MTHFD1: variants seen among roughly 807,000 people sequenced by gnomAD.
MTHFD1 encodes C-1-tetrahydrofolate synthase, cytoplasmic.
In MTHFD1, 44 loss-of-function variants were observed where a neutral mutation model predicts 110.3. The observed-to-expected ratio is 0.40, with a 90% CI of 0.31 to 0.51. MTHFD1 has a LOEUF of 0.51. MTHFD1 is among the 20% of genes least tolerant of loss of function. The pLI is 0.60. For synonymous variants in MTHFD1, 402 were observed against 428.8 expected (o/e 0.94, Z 0.77); for missense variants, 909 against 1,173.1 (o/e 0.77, Z 3.29).
At chr14:64,439,873 A>G (rs11627122) in intron 17 of MTHFD1, among the ~76,000 whole-genome samples, 52,323 of 142,330 alleles carry the variant, frequency 0.37, 10,162 homozygotes, top group East Asian at 0.57. Flanking sequence ...CAGCCTGGGC[A>G]ACAGACCGAG....
chr14:64,396,540 C>T (rs2077850898), intron 1 of MTHFD1, among the ~76,000 whole-genome samples: 2 of 149,640 alleles, frequency 1.3e-5, no homozygotes, highest in South Asian at 4.4e-4. Flanking sequence ...TACAGGCATG[C>T]GCCACCGCTC....
At chr14:64,395,641 T>A (rs2077842135) in intron 1 of MTHFD1, among the ~76,000 whole-genome samples, 1 of 152,186 alleles carries the variant, frequency 6.6e-6, no homozygotes. Context: ...GGGGCAGTTT[T>A]TTCCTCCCTC....
Position 64,421,780 on chromosome 14 carries a change from C to G in MTHFD1, c.727+1855C>G, listed in dbSNP as rs377495897. On this transcript the variant is annotated intron_variant, in intron 8 of 27. Coordinates refer to ENST00000652337, the MANE Select transcript of MTHFD1 (RefSeq NM_005956.4). ...CTGGGACTACAGGCGCCCGCCACCA[C>G]GCCCGGCTAATTTTTTTTGTATTTT... Among the ~76,000 whole-genome samples the G allele has an allele frequency of 3.3e-5, 5 of 152,148 alleles. No individual in the cohort carries two copies. In the South Asian group the frequency reaches 8.3e-4, roughly 25 times the overall value.
chr14:64,418,689 T>G (rs1166037778), intron 7 of MTHFD1, among the ~76,000 whole-genome samples: 1 of 152,050 alleles, frequency 6.6e-6, no homozygotes, highest in East Asian at 1.9e-4. Flanking sequence ...CCTGAGTAGC[T>G]GGGATTACAG....
chr14:64,390,837 C>T (rs543050728), intron 1 of MTHFD1, among the ~76,000 whole-genome samples: 3 of 152,208 alleles, frequency 2.0e-5, no homozygotes, highest in South Asian at 2.1e-4. Context: ...TTAGTAGAGA[C>T]GGGCTTTCAC....
chr14:64,397,004 C>G (rs2077854597), intron 1 of MTHFD1, among the ~76,000 whole-genome samples: 1 of 133,136 alleles, frequency 7.5e-6, no homozygotes, highest in African/African-American at 2.8e-5. Flanking sequence ...ACTTGGGAGG[C>G]TGAGGCAGGA....
At chr14:64,448,616 GAA>G in intron 23 of MTHFD1, 1 of 411,826 alleles carries the variant, frequency 2.4e-6, no homozygotes, top group Non-Finnish European at 4.6e-6. Flanking sequence ...TATGCTAACA[GAA>G]GGTCATAGGC....
In MTHFD1 at chr14:64,449,589, AC is replaced by A. The variant is rs1346745606; in HGVS notation, c.2427del (p.Ser810AlafsTer94). Reference protein sequence around the residue: ...AQAVQRAAQAPSSFQLLYDLK... With the variant: ...AQAVQRAAQAXSSFQLLYDLK... Reference sequence around the variant, plus strand: ...AGGCCGTCCAGAGAGCAGCACAAGCACCCAGCAGCTTCCAGCTCCTTTATGA... The same window carrying A: ...AGGCCGTCCAGAGAGCAGCACAAGCACCAGCAGCTTCCAGCTCCTTTATGA... On this transcript the variant is annotated frameshift_variant, in exon 24 of 28. Transcript: ENST00000652337. LOFTEE classifies it high-confidence loss of function. 1 of 1,614,186 alleles carries A rather than the reference AC, an allele frequency of 6.2e-7. No individual in the cohort carries two copies. Among genetic ancestry groups the A allele is most frequent in the South Asian group, 1.1e-5 (1 of 91,084 alleles).
intron 1 of MTHFD1, among the ~76,000 whole-genome samples, chr14:64,394,775 CT>C (rs2077834101): frequency 6.6e-6 from 1 of 152,132 alleles, no homozygotes; most frequent in Non-Finnish European, 1.5e-5. Flanking sequence ...TAGACCTAAC[CT>C]TTTCTACCTA....
chr14:64,442,324 G>C lies in MTHFD1; in HGVS notation c.2058G>C (p.Arg686=). ...AAAAGTTTTTTAACATCAAATGCCG[G>C]TATTCCGGCCTCTGCCCCCACGTGG... ...GMEKFFNIKC[R]YSGLCPHVVV... is the part of the protein sequence containing the mutation. The change falls in exon 21 of 28, where the codon CGG becomes CGC. Residue 686 remains arginine, a synonymous_variant. Transcript: ENST00000652337. 6.2e-7 allele frequency: 1 copy of C among 1,614,216 alleles called. No homozygotes were observed. Among genetic ancestry groups the C allele is most frequent in the East Asian group, 2.2e-5 (1 of 44,894 alleles).
intron 26 of MTHFD1, among the ~76,000 whole-genome samples, chr14:64,457,631 T>A (rs976887003): frequency 2.0e-5 from 3 of 151,904 alleles, no homozygotes; most frequent in Admixed American, 2.0e-4. Flanking sequence ...AATTTTTGTA[T>A]TTTTAGTAGA....
intron 2 of MTHFD1, 101 bp from the exon 3 acceptor site, chr14:64,410,989 C>A (rs528618090): frequency 1.2e-6 from 1 of 842,678 alleles, no homozygotes; most frequent in Non-Finnish European, 2.0e-6. Flanking sequence ...ACAAGAGTCG[C>A]ATGATTAAAC....
chr14:64,441,802 CA>C (rs35960360), intron 19 of MTHFD1: 191,475 of 468,522 alleles, frequency 0.41, 10,898 homozygotes, highest in Admixed American at 0.49. Context: ...GACTCCGTGT[CA>C]AAAAAAAAAA....
rs1950902 is a variant in MTHFD1, at chr14:64,415,662, A to G, written c.401A>G (p.Lys134Arg). The G allele has an allele frequency of 0.82, 1,326,653 of 1,612,740 alleles. 547,101 individuals are homozygous for G. Among genetic ancestry groups the G allele is most frequent in the South Asian group, 0.92 (84,091 of 91,058 alleles). The change falls in exon 6 of 28, where the codon AAA becomes AGA. Residue 134 changes from lysine (K) to arginine (R), a missense_variant. Around this residue, in one of 3 missense-constraint regions of MTHFD1, gnomAD observed 424 missense variants for 510.4 expected, o/e 0.83. Transcript: ENST00000652337. ...AGATTGACTAGCATCAATGCTGGGA[A>G]ACTTGCTAGAGGTGACCTCAATGAC... ...VDGLTSINAG[K>R]LARGDLNDCF... is the part of the protein sequence containing the mutation.
In MTHFD1 at chr14:64,458,604, C is replaced by G. The variant is rs779930031; in HGVS notation, c.*4+297C>G. ...AGAGGAAACTACAGGAGAGGTTAGA[C>G]TCCCTCTGCTGAAGCCCCAGGAGGC... On this transcript the variant is annotated intron_variant, in intron 27 of 27. Coordinates refer to ENST00000652337, the MANE Select transcript of MTHFD1 (RefSeq NM_005956.4). 1.2e-4 allele frequency: 54 copies of G among 433,762 alleles called. 1 individual carries two copies. The Middle Eastern group carries it at 2.1e-3, about 17-fold the overall frequency. 26.9% of individuals were successfully genotyped at this position (433,762 alleles called of 1,614,324 possible).
intron 1 of MTHFD1, among the ~76,000 whole-genome samples, chr14:64,397,170 TATATATATATATATATATATAAA>T (rs1566553138): frequency 2.4e-4 from 5 of 20,414 alleles, no homozygotes; most frequent in African/African-American, 1.4e-3. Flanking sequence ...TATATATATA[TATATATATATATATATATATAAA>T]AAACAGTAAT....
chr14:64,416,908 A>T (rs1458061099), intron 6 of MTHFD1, among the ~76,000 whole-genome samples: 1 of 152,186 alleles, frequency 6.6e-6, no homozygotes, highest in Non-Finnish European at 1.5e-5. Context: ...TACCTTTTAA[A>T]ACTTTGAGGT....
At chr14:64,410,254 TTGCCCAGGC>T (rs942195429) in intron 2 of MTHFD1, among the ~76,000 whole-genome samples, 66 of 152,290 alleles carry the variant, frequency 4.3e-4, no homozygotes, top group African/African-American at 1.5e-3. Context: ...TCTCTCTCTG[TTGCCCAGGC>T]TGCCCAGGCA....
chr14:64,426,230 A>C, intron 11 of MTHFD1, 38 bp downstream of exon 11: 3 of 1,612,318 alleles, frequency 1.9e-6, no homozygotes, highest in Non-Finnish European at 2.5e-6. Context: ...AAATCTTAGT[A>C]TCAGTCCTGA....
Sources: allele counts gnomAD v4.1 joint callset (sites outside exome capture counted in the v4.1 genomes callset), GRCh38; gene constraint gnomAD v4.1.1; regional missense constraint gnomAD v4.1.1; transcripts MANE v1.5; gene names NCBI Gene and HGNC (gene_info 2026-07-23, HGNC 2026-07-21).